The following RIPOR2 variants were observed in gnomAD, a reference collection of about 807,000 sequenced individuals.
RIPOR2 encodes RHO family interacting cell polarization regulator 2, also known as rho family-interacting cell polarization regulator 2.
In RIPOR2, 39 loss-of-function variants were observed where a neutral mutation model predicts 114.5. The observed-to-expected ratio is 0.34, with a 90% confidence interval of 0.26 to 0.44. RIPOR2 has a LOEUF of 0.44. Among genes scored for constraint, RIPOR2 ranks in the 20% least tolerant of loss-of-function variants. RIPOR2 has a pLI of 1.00. For synonymous variants in RIPOR2, 445 were observed against 484.4 expected, an observed-to-expected ratio of 0.92 and a Z score of 1.07; for missense variants, 1,007 against 1,255.1, an observed-to-expected ratio of 0.80 and a Z score of 2.99.
intron 1 of RIPOR2, among the ~76,000 whole-genome samples, chr6:24,964,096 CCA>C (rs1773419443): frequency 2.0e-5 from 3 of 149,798 alleles, no homozygotes. Context: ...AGTATCAAAA[CCA>C]GGAAATTGAC....
chr6:24,852,644 G>A, intron 8 of RIPOR2, 26 bp from the exon 9 acceptor site: 1 of 1,570,550 alleles, frequency 6.4e-7, no homozygotes, highest in Non-Finnish European at 8.6e-7. Flanking sequence ...TGGAAGGTGA[G>A]GTGTAGAACA....
intron 1 of RIPOR2, among the ~76,000 whole-genome samples, chr6:25,019,022 C>T (rs1323291737): frequency 3.3e-5 from 5 of 152,068 alleles, no homozygotes; most frequent in Non-Finnish European, 7.4e-5. Flanking sequence ...AAATACAGTT[C>T]AAACAGAAAA....
intron 1 of RIPOR2, among the ~76,000 whole-genome samples, chr6:25,022,131 AC>A: frequency 6.6e-6 from 1 of 152,310 alleles, no homozygotes; most frequent in Admixed American, 6.5e-5. Flanking sequence ...GCATAGTTCT[AC>A]CAGTTTTAAC....
chr6:25,039,703 C>T (rs1165833577), intron 1 of RIPOR2, among the ~76,000 whole-genome samples: 6 of 152,090 alleles, frequency 3.9e-5, no homozygotes, highest in African/African-American at 4.8e-5. Flanking sequence ...TTCTCAGTGA[C>T]GGATTCCATA....
At chr6:24,952,142 A>C (rs992266022) in intron 1 of RIPOR2, among the ~76,000 whole-genome samples, 1 of 152,232 alleles carries the variant, frequency 6.6e-6, no homozygotes, top group Non-Finnish European at 1.5e-5. Flanking sequence ...CAACATGAGA[A>C]ACCCACAAAG....
intron 18 of RIPOR2, 63 bp from the exon 19 acceptor site, chr6:24,825,491 A>T: frequency 1.7e-6 from 2 of 1,195,576 alleles, no homozygotes; most frequent in East Asian, 5.1e-5. Context: ...GCTCATTACA[A>T]ATATAAATAG....
At chr6:25,033,250 C>T (rs1777084225) in intron 1 of RIPOR2, among the ~76,000 whole-genome samples, 1 of 151,990 alleles carries the variant, frequency 6.6e-6, no homozygotes, top group Non-Finnish European at 1.5e-5. Flanking sequence ...TTATTTTTAA[C>T]ATTTAAAAAA....
rs1760757402 is a variant in RIPOR2, at chr6:24,832,368, G to A, written c.2232C>T (p.Thr744=). The change falls in exon 16 of 22, where the codon ACC becomes ACT. Residue 744 remains threonine, a synonymous_variant. Coordinates refer to ENST00000643898, the MANE Select transcript of RIPOR2 (RefSeq NM_001286445.3). ...LVQQIVFSSK[T]PFVARSLLEK... ...CTAAGAGACTTCTTGCCACAAATGG[G>A]GTTTTGCTTGAGAAAACAATTTGCT... is the stretch of plus-strand genomic sequence containing the variant. 6.4e-7 allele frequency: 1 copy of A among 1,551,858 alleles called. No individual in the cohort carries two copies. Among genetic ancestry groups the A allele is most frequent in the Admixed American group, 2.0e-5 (1 of 50,948 alleles).
At chr6:24,872,200 A>G (rs1765244702) in intron 4 of RIPOR2, among the ~76,000 whole-genome samples, 1 of 152,190 alleles carries the variant, frequency 6.6e-6, no homozygotes, top group Admixed American at 6.5e-5. Flanking sequence ...ACAAGTCCTC[A>G]CAGATTCATG....
Position 24,835,703 on chromosome 6 carries a change from C to G in RIPOR2, c.2208G>C (p.Gln736His). 6.4e-7 allele frequency: 1 copy of G among 1,551,544 alleles called. No homozygotes were observed. Among genetic ancestry groups the G allele is most frequent in the Non-Finnish European group, 8.7e-7 (1 of 1,146,892 alleles). The stretch of plus-strand genomic sequence containing the variant: ...AACACAAATTCATCGCTGATCCTAC[C>G]TGCACGAGTTGGGTGCAGTACTGGA... ...RHLQYCTQLV[Q>H]QIVFSSKTPF... The change falls in exon 15 of 22, where the codon CAG becomes CAC. Residue 736 changes from glutamine (Q) to histidine (H), a missense_variant and splice_region_variant. Coordinates refer to ENST00000643898, the MANE Select transcript of RIPOR2 (RefSeq NM_001286445.3).
At chr6:25,007,128 A>G (rs1444759189) in intron 1 of RIPOR2, among the ~76,000 whole-genome samples, 1 of 152,198 alleles carries the variant, frequency 6.6e-6, no homozygotes, top group Non-Finnish European at 1.5e-5. Context: ...TTTTGTTATT[A>G]TTATTATTAG....
intron 1 of RIPOR2, among the ~76,000 whole-genome samples, chr6:24,890,273 T>A (rs1424133156): frequency 1.3e-5 from 2 of 152,180 alleles, no homozygotes; most frequent in East Asian, 3.9e-4. Context: ...AGGGGTTGAT[T>A]TGATAAAGAA....
At chr6:24,809,616 A>T in intron 21 of RIPOR2, 101 bp downstream of exon 21, 1 of 790,328 alleles carries the variant, frequency 1.3e-6, no homozygotes, top group East Asian at 2.7e-5. Context: ...AACAGGGTAC[A>T]TGAAACTTCT....
rs1780742178 is a variant in RIPOR2, at chr6:24,805,845, T to C, written c.*528A>G. The C allele has an allele frequency of 6.6e-6, 1 of 152,468 alleles. No individual in the cohort carries two copies. The highest frequency in any genetic ancestry group is 6.5e-5 in the Admixed American group (1 of 15,286). The allele number at this position is 152,468 out of a possible 1,614,324, so 9.4% of individuals were successfully genotyped here. On this transcript the variant is annotated 3_prime_UTR_variant, in exon 22 of 22. Transcript: ENST00000643898. ...TAGACACAATCGACGATGTAATATA[T>C]TTGAATTATACCATAGCCCTATTCT...
intron 1 of RIPOR2, among the ~76,000 whole-genome samples, chr6:25,012,070 A>G (rs1451295698): frequency 6.6e-6 from 1 of 152,236 alleles, no homozygotes; most frequent in Non-Finnish European, 1.5e-5. Context: ...AAATGGGTAA[A>G]CAGTTTGAAT....
chr6:24,805,803 C>T lies in RIPOR2; in HGVS notation c.*570G>A, dbSNP rs1053817707. The T allele has an allele frequency of 1.3e-5, 2 of 152,166 alleles. No individual in the cohort carries two copies. The highest frequency in any genetic ancestry group is 4.8e-5 in the African/African-American group (2 of 41,426). 9.4% of individuals were successfully genotyped at this position (152,166 alleles called of 1,614,324 possible). ...CATACATATTAAGATAAGATGGACTCTTTCACTGAGTATTATTAGACACAA... is the reference window on the plus strand; with the variant it reads ...CATACATATTAAGATAAGATGGACTTTTTCACTGAGTATTATTAGACACAA... On this transcript the variant is annotated 3_prime_UTR_variant, in exon 22 of 22. Transcript: ENST00000643898.
At chr6:24,879,418 G>C (rs959463431) in intron 1 of RIPOR2, among the ~76,000 whole-genome samples, 1 of 152,196 alleles carries the variant, frequency 6.6e-6, no homozygotes, top group Non-Finnish European at 1.5e-5. Context: ...TGACTAGAGT[G>C]AGCAGTTTTG....
intron 1 of RIPOR2, among the ~76,000 whole-genome samples, chr6:25,018,966 T>C (rs1323108662): frequency 6.6e-6 from 1 of 152,210 alleles, no homozygotes; most frequent in Non-Finnish European, 1.5e-5. Context: ...TTGTTACTCA[T>C]ATACCTATTA....
intron 8 of RIPOR2, among the ~76,000 whole-genome samples, chr6:24,856,113 A>T (rs1763447410): frequency 6.6e-6 from 1 of 151,230 alleles, no homozygotes; most frequent in South Asian, 2.1e-4. Flanking sequence ...TTGCGTGGGT[A>T]AGCTGACAGC....
Sources: gnomAD v4.1 joint callset for allele counts (sites outside exome capture counted in the v4.1 genomes callset) on GRCh38, gnomAD v4.1.1 for gene constraint, MANE v1.5 for transcripts, NCBI Gene and HGNC (gene_info 2026-07-23, HGNC 2026-07-21) for gene names.